Variants in ADAMTSL3 observed in about 807,000 individuals in gnomAD.
ADAMTSL3 encodes ADAMTS like 3.
ADAMTSL3 carries 128 observed loss-of-function variants against 201.7 expected under a neutral mutation model. That is an observed-to-expected ratio of 0.63 (90% confidence interval 0.55 to 0.73). The LOEUF is 0.73. ADAMTSL3 is among the 30% of genes least tolerant of loss of function. The pLI, the probability that ADAMTSL3 is intolerant of heterozygous loss-of-function variation, is 0.00. For missense variants in ADAMTSL3, 1,990 were observed against 2,119.6 expected, an observed-to-expected ratio of 0.94 and a Z score of 1.20; for synonymous variants, 738 against 748.4, an observed-to-expected ratio of 0.99 and a Z score of 0.23.
At chr15:83,703,573 G>T (rs1246606775) in intron 2 of ADAMTSL3, among the ~76,000 whole-genome samples, 1 of 152,126 alleles carries the variant, frequency 6.6e-6, no homozygotes, top group Non-Finnish European at 1.5e-5. Flanking sequence ...TTTTATCAGG[G>T]GTTTCCGCTT....
intron 4 of ADAMTSL3, among the ~76,000 whole-genome samples, chr15:83,778,491 C>T (rs2063116753): frequency 6.6e-6 from 1 of 152,158 alleles, no homozygotes; most frequent in South Asian, 2.1e-4. Context: ...TAAATTCCAA[C>T]CCAGAATTTC....
At chr15:83,774,851 C>G (rs1596183903) in intron 4 of ADAMTSL3, among the ~76,000 whole-genome samples, 1 of 133,806 alleles carries the variant, frequency 7.5e-6, no homozygotes, top group African/African-American at 2.7e-5. Context: ...GGGGAGGAGG[C>G]TTTTTTTTTT....
intron 23 of ADAMTSL3, among the ~76,000 whole-genome samples, chr15:84,010,677 C>T (rs1467923418): frequency 1.3e-5 from 2 of 152,108 alleles, no homozygotes; most frequent in African/African-American, 4.8e-5. Context: ...ATTGATCTCA[C>T]ACATATCTTA....
intron 17 of ADAMTSL3, among the ~76,000 whole-genome samples, chr15:83,931,462 T>C (rs2066353781): frequency 1.3e-5 from 2 of 152,220 alleles, no homozygotes. Flanking sequence ...TTAAGCTGAA[T>C]TGTTTTAATC....
intron 19 of ADAMTSL3, among the ~76,000 whole-genome samples, chr15:83,963,032 G>A (rs1217963847): frequency 6.6e-6 from 1 of 152,192 alleles, no homozygotes; most frequent in Non-Finnish European, 1.5e-5. Context: ...CAAACCAGGA[G>A]ATTCCCCCGG....
At position 83,747,609 on chromosome 15, in the gene ADAMTSL3, C is replaced by T. The variant is rs1448975126; in HGVS notation, c.190-25914C>T. 3.3e-5 allele frequency among the ~76,000 whole-genome samples: 5 copies of T among 152,154 alleles called. No individual in the cohort carries two copies. In the East Asian group the frequency reaches 5.8e-4, roughly 18 times the overall value. Reference sequence around the variant, plus strand: ...AGCTTTTAAGTGTTCCCCTGGAGGACGAGAGGATTTATCTTTCCTTTTCAG... The same window carrying T: ...AGCTTTTAAGTGTTCCCCTGGAGGATGAGAGGATTTATCTTTCCTTTTCAG... On this transcript the variant is annotated intron_variant, in intron 3 of 29. Transcript: ENST00000286744.
At chr15:83,897,258 CA>C (rs1485904891) in intron 13 of ADAMTSL3, among the ~76,000 whole-genome samples, 1 of 151,932 alleles carries the variant, frequency 6.6e-6, no homozygotes, top group Non-Finnish European at 1.5e-5. Flanking sequence ...CACAAAAATT[CA>C]GAAAAATAAT....
Position 83,839,219 on chromosome 15 carries a change from T to C in ADAMTSL3, c.727+1004T>C, listed in dbSNP as rs116140209. Among the ~76,000 whole-genome samples the C allele has an allele frequency of 3.5e-3, 539 of 152,296 alleles. 2 individuals carry two copies. Among genetic ancestry groups the C allele is most frequent in the African/African-American group, 0.012 (514 of 41,546 alleles). On this transcript the variant is annotated intron_variant, in intron 7 of 29. Transcript: ENST00000286744. Reference sequence around the variant, plus strand: ...TTTTATTCCTTTGAATTTAGTTTGATGTAACTTGTAAAGTCGGCATCTTAC... The same window carrying C: ...TTTTATTCCTTTGAATTTAGTTTGACGTAACTTGTAAAGTCGGCATCTTAC...
intron 13 of ADAMTSL3, among the ~76,000 whole-genome samples, chr15:83,895,388 C>G (rs1050523205): frequency 6.6e-6 from 1 of 152,130 alleles, no homozygotes; most frequent in Admixed American, 6.6e-5. Flanking sequence ...TTTATGTTGG[C>G]TTTAGAGCTT....
chr15:83,706,907 G>T (rs534094482), intron 3 of ADAMTSL3, among the ~76,000 whole-genome samples: 22 of 152,052 alleles, frequency 1.4e-4, no homozygotes, highest in African/African-American at 5.1e-4. Flanking sequence ...GGGCTCAAGC[G>T]ATCTGCTCTC....
At chr15:83,810,666 TA>T (rs1255452387) in intron 5 of ADAMTSL3, among the ~76,000 whole-genome samples, 1 of 152,224 alleles carries the variant, frequency 6.6e-6, no homozygotes, top group African/African-American at 2.4e-5. Flanking sequence ...AGGCCACCCA[TA>T]TTCCTTGGCT....
At chr15:83,859,584 TG>T (rs1286963261) in intron 8 of ADAMTSL3, among the ~76,000 whole-genome samples, 1 of 152,210 alleles carries the variant, frequency 6.6e-6, no homozygotes, top group African/African-American at 2.4e-5. Context: ...ACTATTACCT[TG>T]TTGCCTGTGA....
intron 7 of ADAMTSL3, among the ~76,000 whole-genome samples, chr15:83,855,066 A>G (rs1405031719): frequency 6.6e-6 from 1 of 151,908 alleles, no homozygotes. Flanking sequence ...ATATGTGTCT[A>G]TGTTGGGTTA....
intron 8 of ADAMTSL3, among the ~76,000 whole-genome samples, chr15:83,860,377 A>T (rs1596324161): frequency 6.6e-6 from 1 of 152,210 alleles, no homozygotes; most frequent in East Asian, 1.9e-4. Context: ...CTTCCCATGT[A>T]GGGGTCCCTG....
rs778776464 is a variant in ADAMTSL3 at position 83,655,841 on chromosome 15, A to G, written c.69+11A>G. The G allele has an allele frequency of 6.2e-7, 1 of 1,612,988 alleles. No individual in the cohort carries two copies. The highest frequency in any genetic ancestry group is 1.3e-5 in the African/African-American group (1 of 75,010). On this transcript the variant is annotated intron_variant, in intron 2 of 29. Transcript: ENST00000286744. ...TCTCCCCTCCCGCAGGTAAGGTCAT[A>G]TAGGGAGGGGAAGGGAAATGGTGGA...
chr15:83,767,691 G>A (rs569029088), intron 3 of ADAMTSL3, among the ~76,000 whole-genome samples: 20 of 152,278 alleles, frequency 1.3e-4, no homozygotes, highest in South Asian at 6.2e-4. Context: ...CCACCCTGCC[G>A]GATCCAGTTC....
In ADAMTSL3 at chr15:83,890,169, A is replaced by G; in HGVS notation, c.1133A>G (p.His378Arg). ...CGCTTGAAGAGGGTAGTTCCTGACC[A>G]TTATTGTCACTACTACCCTGAAAAT... ...DIRLKRVVPDHYCHYYPENVK... is the reference protein window; with the variant it reads ...DIRLKRVVPDRYCHYYPENVK... Residue 378 changes from histidine to arginine, a missense_variant, in exon 11 of 30, where the codon CAT becomes CGT. Coordinates refer to ENST00000286744, the MANE Select transcript of ADAMTSL3 (RefSeq NM_207517.3). 6.2e-7 allele frequency: 1 copy of G among 1,614,032 alleles called. No homozygotes were observed. The highest frequency in any genetic ancestry group is 1.3e-5 in the African/African-American group (1 of 75,054).
chr15:83,944,760 C>T (rs1360007927), intron 19 of ADAMTSL3, among the ~76,000 whole-genome samples: 4 of 152,162 alleles, frequency 2.6e-5, no homozygotes, highest in Admixed American at 2.6e-4. Context: ...AGCTCTAAAG[C>T]CTAAATCTGG....
intron 7 of ADAMTSL3, among the ~76,000 whole-genome samples, chr15:83,840,260 G>A (rs1370543132): frequency 6.6e-6 from 1 of 152,142 alleles, no homozygotes; most frequent in African/African-American, 2.4e-5. Context: ...AAAATGAGAT[G>A]GGGGTGGCCA....
Sources: allele counts gnomAD v4.1 joint callset (sites outside exome capture counted in the v4.1 genomes callset), GRCh38; gene constraint gnomAD v4.1.1; transcripts MANE v1.5; gene names NCBI Gene and HGNC (gene_info 2026-07-23, HGNC 2026-07-21).